The following BCL6B variants were observed in gnomAD, a reference collection of about 807,000 sequenced individuals.
BCL6B encodes the protein BCL6B transcription repressor.
BCL6B carries 28 observed loss-of-function variants against 44.6 expected under a neutral mutation model. The observed-to-expected ratio is 0.63, with a 90% CI of 0.47 to 0.86. BCL6B has a LOEUF of 0.86. BCL6B is among the 40% of genes least tolerant of loss of function. The pLI, the probability that BCL6B is intolerant of heterozygous loss-of-function variation, is 0.00. For synonymous variants in BCL6B, 268 were observed against 263.6 expected (o/e 1.02, Z -0.16); for missense variants, 626 against 652.3 (o/e 0.96, Z 0.44).
rs1036543813 is a variant in BCL6B at position 7,028,135 on chromosome 17, T to G, written c.*516T>G. On this transcript the variant is annotated 3_prime_UTR_variant, in exon 9 of 9. Coordinates refer to ENST00000293805, the MANE Select transcript of BCL6B (RefSeq NM_181844.4). ...TGGCTTGGGTATTTTATATTATTTC[T>G]GTCATAACTTTTATCTTTAGAATTG... 1.0e-6 allele frequency: 1 copy of G among 986,394 alleles called. No homozygotes were observed. The highest frequency in any genetic ancestry group is 1.2e-6 in the Non-Finnish European group (1 of 830,716). 61.1% of individuals were successfully genotyped at this position (986,394 alleles called of 1,614,324 possible). A position where few individuals can be genotyped will look rare whatever the true frequency, so the allele number is the denominator to read the frequency against.
chr17:7,029,469 C>T lies in BCL6B; in HGVS notation c.*1850C>T, dbSNP rs1483882883. 11 of 1,037,936 alleles carry T rather than the reference C, an allele frequency of 1.1e-5. No individual in the cohort carries two copies. Among genetic ancestry groups the T allele is most frequent in the Non-Finnish European group, 1.3e-5 (11 of 860,284 alleles). The allele number at this position is 1,037,936 out of a possible 1,614,324, so 64.3% of individuals were successfully genotyped here. A position where few individuals can be genotyped will look rare whatever the true frequency, so the allele number is the denominator to read the frequency against. On this transcript the variant is annotated 3_prime_UTR_variant, in exon 9 of 9. Transcript: ENST00000293805. ...CTACTCTTCTCCCTCTTCCCTCTTT[C>T]TCCCCATGGCCCCACTGCAGAATTA...
In BCL6B at chr17:7,024,646, G is replaced by A; in HGVS notation, c.647G>A (p.Arg216Lys). 6.2e-7 allele frequency: 1 copy of A among 1,614,178 alleles called. No individual in the cohort carries two copies. Among genetic ancestry groups the A allele is most frequent in the Non-Finnish European group, 8.5e-7 (1 of 1,180,056 alleles). Residue 216 changes from arginine to lysine, a missense_variant, in exon 4 of 9, where the codon AGA (arginine) becomes AAA (lysine). Transcript: ENST00000293805. This position sits in a 1 kb window ranked among gnomAD's most constrained non-coding sequence, Gnocchi z 6.6. ...ASQAGSLVGE[R>K]SSGQPCPQAR... Reference sequence around the variant, plus strand: ...CAAGCAGGGAGCCTGGTCGGGGAGAGAAGTTCTGGTCAACCTTGCCCCCAA... The same window carrying A: ...CAAGCAGGGAGCCTGGTCGGGGAGAAAAGTTCTGGTCAACCTTGCCCCCAA...
rs764346335 is a variant in BCL6B at position 7,026,919 on chromosome 17, G to A, written c.1186-31G>A. On this transcript the variant is annotated intron_variant, in intron 7 of 8. Transcript: ENST00000293805. ...AATAGGGAGGGTTCTGTTCCTCCCAGAGGCAGGACTTGAAGTCTCCTCCCT... is the reference window on the plus strand; with the variant it reads ...AATAGGGAGGGTTCTGTTCCTCCCAAAGGCAGGACTTGAAGTCTCCTCCCT... 26 of 1,611,306 alleles carry A rather than the reference G, an allele frequency of 1.6e-5. No homozygotes were observed. In the South Asian group the frequency reaches 2.9e-4, roughly 18 times the overall value.
chr17:7,024,253 A>G lies in BCL6B; in HGVS notation c.350A>G (p.Tyr117Cys), dbSNP rs1172274036. The change falls in exon 3 of 9, where the codon TAT becomes TGT. Residue 117 changes from tyrosine to cysteine, a missense_variant. Transcript: ENST00000293805. This position sits in a 1 kb window ranked among gnomAD's most constrained non-coding sequence, Gnocchi z 6.6. ...CCAGCAGTCCTAGCGGCCGCCACCT[A>G]TTTGCAGATGGAGCACGTGGTCCAG... ...TAPAVLAAATYLQMEHVVQAC... is the reference protein window; with the variant it reads ...TAPAVLAAATCLQMEHVVQAC... The G allele has an allele frequency of 1.2e-6, 2 of 1,613,378 alleles. No homozygotes were observed. Among genetic ancestry groups the G allele is most frequent in the South Asian group, 1.1e-5 (1 of 91,080 alleles).
chr17:7,024,838 T>C lies in BCL6B; in HGVS notation c.764+75T>C. On this transcript the variant is annotated intron_variant, in intron 4 of 8. Coordinates refer to ENST00000293805, the MANE Select transcript of BCL6B (RefSeq NM_181844.4). This position sits in a 1 kb window ranked among gnomAD's most constrained non-coding sequence, Gnocchi z 6.6. Reference sequence around the variant, plus strand: ...AGACAGAGTCATTGGGCCTTGATGGTCAGGAGGAAGGGAGATAGGTGGTGG... The same window carrying C: ...AGACAGAGTCATTGGGCCTTGATGGCCAGGAGGAAGGGAGATAGGTGGTGG... The C allele has an allele frequency of 1.3e-6, 2 of 1,509,388 alleles. No homozygotes were observed. Among genetic ancestry groups the C allele is most frequent in the Non-Finnish European group, 1.8e-6 (2 of 1,129,572 alleles). 93.5% of individuals were successfully genotyped at this position (1,509,388 alleles called of 1,614,324 possible).
chr17:7,028,028 G>T lies in BCL6B; in HGVS notation c.*409G>T. ...CATTTCCCACTCCCCTCTTCCACAA[G>T]TGTGATTAAAAGTGACCAGAAACAC... On this transcript the variant is annotated 3_prime_UTR_variant, in exon 9 of 9. Coordinates refer to ENST00000293805, the MANE Select transcript of BCL6B (RefSeq NM_181844.4). 1 of 1,012,428 alleles carries T rather than the reference G, an allele frequency of 9.9e-7. No homozygotes were observed. The highest frequency in any genetic ancestry group is 1.2e-6 in the Non-Finnish European group (1 of 846,442). The allele number at this position is 1,012,428 out of a possible 1,614,324, so 62.7% of individuals were successfully genotyped here.
chr17:7,027,204 C>T (rs1040516885), intron 8 of BCL6B, 117 bp downstream of exon 8: 120 of 1,382,666 alleles, frequency 8.7e-5, no homozygotes, highest in Non-Finnish European at 1.1e-4. Context: ...GAGCGGTGGC[C>T]GGAAGAGTCC....
Position 7,026,991 on chromosome 17 carries a change from G to A in BCL6B, c.1227G>A (p.Glu409=). 6.2e-7 allele frequency: 1 copy of A among 1,613,504 alleles called. No individual in the cohort carries two copies. The highest frequency in any genetic ancestry group is 1.3e-5 in the African/African-American group (1 of 74,990). The change falls in exon 8 of 9, where the codon GAG becomes GAA. Residue 409 remains glutamate (E), a synonymous_variant. Coordinates refer to ENST00000293805, the MANE Select transcript of BCL6B (RefSeq NM_181844.4). ...CGCACGTGCTGATCCACACCGGGGA[G>A]AAGCCCTACCCTTGCCCTACCTGCG... ...LRAHVLIHTG[E]KPYPCPTCGT...
chr17:7,027,449 A>G, intron 8 of BCL6B, 54 bp from the exon 9 acceptor site: 1 of 1,601,680 alleles, frequency 6.2e-7, no homozygotes, highest in South Asian at 1.1e-5. Context: ...CCGGCTCAAC[A>G]CCTAAAAGGT....
Position 7,023,661 on chromosome 17 carries a change from C to G in BCL6B, c.-11C>G. On this transcript the variant is annotated splice_region_variant and 5_prime_UTR_variant, in exon 2 of 9. Coordinates refer to ENST00000293805, the MANE Select transcript of BCL6B (RefSeq NM_181844.4). ...GAGCACTTTCCACGGCCTCTACAGG[C>G]CTGTGTCGCTATGGGTTCCCCCGCC... is the stretch of plus-strand genomic sequence containing the variant. 6.2e-7 allele frequency: 1 copy of G among 1,609,986 alleles called. No homozygotes were observed. The highest frequency in any genetic ancestry group is 8.5e-7 in the Non-Finnish European group (1 of 1,178,466).
intron 2 of BCL6B, 93 bp from the exon 3 acceptor site, chr17:7,023,990 G>A: frequency 1.3e-6 from 2 of 1,532,174 alleles, no homozygotes; most frequent in Non-Finnish European, 1.8e-6. Context: ...ATAGTGAGGA[G>A]GCGGGACTTT....
chr17:7,026,927 A>C, intron 7 of BCL6B, 23 bp from the exon 8 acceptor site: 1 of 1,611,506 alleles, frequency 6.2e-7, no homozygotes, highest in Non-Finnish European at 8.5e-7. Flanking sequence ...CAGAGGCAGG[A>C]CTTGAAGTCT....
intron 1 of BCL6B, 180 bp from the exon 2 acceptor site, chr17:7,023,480 G>A (rs1333110257): frequency 1.6e-6 from 1 of 614,472 alleles, no homozygotes; most frequent in Non-Finnish European, 2.8e-6. Flanking sequence ...GAAGAGGCAA[G>A]GGAGCGAGGG....
chr17:7,027,573 C>G lies in BCL6B; in HGVS notation c.1394C>G (p.Ala465Gly), dbSNP rs764024929. The change falls in exon 9 of 9, where the codon GCT (alanine) becomes GGT (glycine). Residue 465 changes from alanine (A) to glycine (G), a missense_variant. By Grantham distance (60) the Ala-to-Gly change is moderately conservative. Transcript: ENST00000293805. ...CTGCATCTGCGCCAGAAACACGGAG[C>G]TGCTACCAACACCAAAGTGCACTAC... Reference protein sequence around the residue: ...LRLHLRQKHGAATNTKVHYHI... With the variant: ...LRLHLRQKHGGATNTKVHYHI... 5.6e-6 allele frequency: 9 copies of G among 1,613,840 alleles called. No homozygotes were observed. The Admixed American group carries it at 1.2e-4, about 21-fold the overall frequency.
chr17:7,028,659 C>T lies in BCL6B; in HGVS notation c.*1040C>T, dbSNP rs557635564. 2.1e-5 allele frequency: 21 copies of T among 985,414 alleles called. No homozygotes were observed. Among genetic ancestry groups the T allele is most frequent in the Middle Eastern group, 5.2e-4 (1 of 1,914 alleles). 61.0% of individuals were successfully genotyped at this position (985,414 alleles called of 1,614,324 possible). ...GGCCTGTTCTTAGCACTGAGTTGAT[C>T]GCTCCATGGGGGAGAGATCAGACAT... On this transcript the variant is annotated 3_prime_UTR_variant, in exon 9 of 9. Transcript: ENST00000293805.
chr17:7,025,275 G>A, intron 5 of BCL6B, 75 bp downstream of exon 5: 1 of 1,571,562 alleles, frequency 6.4e-7, no homozygotes, highest in Non-Finnish European at 8.7e-7. Context: ...CTCCCAGAAA[G>A]GCCTATTCCA....
At position 7,024,233 on chromosome 17, in the gene BCL6B, A is replaced by C; in HGVS notation, c.330A>C (p.Ala110=). ...GCCTCTCTCCAGCCACTGCACCAGC[A>C]GTCCTAGCGGCCGCCACCTATTTGC... The part of the protein sequence containing the change: ...RLRLSPATAP[A]VLAAATYLQM... Residue 110 remains alanine, a synonymous_variant, in exon 3 of 9, where the codon GCA becomes GCC. Transcript: ENST00000293805. This position sits in a 1 kb window ranked among gnomAD's most constrained non-coding sequence, Gnocchi z 6.6. 6.2e-7 allele frequency: 1 copy of C among 1,613,852 alleles called. No individual in the cohort carries two copies. Among genetic ancestry groups the C allele is most frequent in the South Asian group, 1.1e-5 (1 of 91,090 alleles).
At chr17:7,023,941 A>T (rs1222435560) in intron 2 of BCL6B, 91 bp downstream of exon 2, 1 of 1,549,336 alleles carries the variant, frequency 6.5e-7, no homozygotes, top group South Asian at 1.2e-5. Context: ...AGTCTTTCAG[A>T]AGCAGGAGGC....
chr17:7,028,414 A>G lies in BCL6B; in HGVS notation c.*795A>G. On this transcript the variant is annotated 3_prime_UTR_variant, in exon 9 of 9. Coordinates refer to ENST00000293805, the MANE Select transcript of BCL6B (RefSeq NM_181844.4). ...TAGGAACCATTATGTTGAGCCCAAA[A>G]TGGAAGTAATAATAAATGCCTCCTG... 1.0e-6 allele frequency: 1 copy of G among 985,500 alleles called. No individual in the cohort carries two copies. Among genetic ancestry groups the G allele is most frequent in the Non-Finnish European group, 1.2e-6 (1 of 829,912 alleles). 61.0% of individuals were successfully genotyped at this position (985,500 alleles called of 1,614,324 possible). A position where few individuals can be genotyped will look rare whatever the true frequency, so the allele number is the denominator to read the frequency against.
Sources: allele counts gnomAD v4.1 joint callset, GRCh38; gene constraint gnomAD v4.1.1; non-coding constraint Gnocchi (gnomAD v3.1); transcripts MANE v1.5; gene names NCBI Gene and HGNC (gene_info 2026-07-23, HGNC 2026-07-21).